Variants in FOXB1 observed in about 807,000 individuals in gnomAD.
The protein encoded by FOXB1 is forkhead box B1.
Under a neutral mutation model 18.6 loss-of-function variants are expected in FOXB1, and 6 were observed. That is an observed-to-expected ratio of 0.32 (90% confidence interval 0.18 to 0.64). The LOEUF is 0.64. FOXB1 is among the 30% of genes least tolerant of loss of function. The pLI, the probability that FOXB1 is intolerant of heterozygous loss-of-function variation, is 0.78. For synonymous variants in FOXB1, 213 were observed against 216.0 expected, an observed-to-expected ratio of 0.99 and a Z score of 0.12; for missense variants, 419 against 463.6, an observed-to-expected ratio of 0.90 and a Z score of 0.88.
Position 60,006,247 on chromosome 15 carries a change from A to C in FOXB1, c.*306A>C. 1 of 421,024 alleles carries C rather than the reference A, an allele frequency of 2.4e-6. No homozygotes were observed. Among genetic ancestry groups the C allele is most frequent in the Non-Finnish European group, 4.2e-6 (1 of 238,502 alleles). 26.1% of individuals were successfully genotyped at this position (421,024 alleles called of 1,614,324 possible). On this transcript the variant is annotated 3_prime_UTR_variant, in exon 2 of 2. Transcript: ENST00000396057. ...CCCCTCCTATTTGACCGGCGGGGGAAACCCTGTCACCCCCTCTTCGCCGAG... is the reference window on the plus strand; with the variant it reads ...CCCCTCCTATTTGACCGGCGGGGGACACCCTGTCACCCCCTCTTCGCCGAG...
At position 60,005,560 on chromosome 15, in the gene FOXB1, G is replaced by C; in HGVS notation, c.597G>C (p.Pro199=). Residue 199 remains proline (P), a synonymous_variant, in exon 2 of 2, where the codon CCG becomes CCC. Coordinates refer to ENST00000396057, the MANE Select transcript of FOXB1 (RefSeq NM_012182.3). This position sits in a 1 kb window ranked among gnomAD's most constrained non-coding sequence, Gnocchi z 9.8. ...SAMQPVPAAY[P]LPNQLTTMGS... Reference sequence around the variant, plus strand: ...TGCAGCCGGTGCCCGCTGCCTACCCGCTCCCCAACCAGTTGACTACCATGG... The same window carrying C: ...TGCAGCCGGTGCCCGCTGCCTACCCCCTCCCCAACCAGTTGACTACCATGG... 1 of 1,609,238 alleles carries C rather than the reference G, an allele frequency of 6.2e-7. No homozygotes were observed. The highest frequency in any genetic ancestry group is 8.5e-7 in the Non-Finnish European group (1 of 1,178,576).
At chr15:60,004,805 G>GCCCCCCC in intron 1 of FOXB1, 102 bp from the exon 2 acceptor site, 9 of 356,150 alleles carry the variant, frequency 2.5e-5, no homozygotes, top group South Asian at 3.4e-5. Context: ...AGCGCCGCAG[G>GCCCCCCC]CCCCACCCCC....
rs943613624 is a variant in FOXB1, at chr15:60,006,338, G to A, written c.*397G>A. The A allele has an allele frequency of 8.3e-5, 19 of 228,150 alleles. No homozygotes were observed. Among genetic ancestry groups the A allele is most frequent in the Admixed American group, 7.2e-4 (13 of 17,962 alleles). The allele number at this position is 228,150 out of a possible 1,614,324, so 14.1% of individuals were successfully genotyped here. A position where few individuals can be genotyped will look rare whatever the true frequency, so the allele number is the denominator to read the frequency against. Reference sequence around the variant, plus strand: ...AACTCTGCGCAGTTTCAAGACTAGAGAAACTGCCTCAGATGTTTCCAGGAA... The same window carrying A: ...AACTCTGCGCAGTTTCAAGACTAGAAAAACTGCCTCAGATGTTTCCAGGAA... On this transcript the variant is annotated 3_prime_UTR_variant, in exon 2 of 2. Transcript: ENST00000396057.
rs1223365800 is a variant in FOXB1 at position 60,004,618 on chromosome 15, G to C, written c.-83G>C. The C allele has an allele frequency of 9.7e-6, 2 of 205,884 alleles. No homozygotes were observed. The highest frequency in any genetic ancestry group is 4.6e-5 in the African/African-American group (2 of 43,176). The allele number at this position is 205,884 out of a possible 1,614,324, so 12.8% of individuals were successfully genotyped here. A position where few individuals can be genotyped will look rare whatever the true frequency, so the allele number is the denominator to read the frequency against. ...GCGCAGCGGCGTCCTCCCGGATGCGGACGCGCAACTTGAAGCAACTTTAAG... is the reference window on the plus strand; with the variant it reads ...GCGCAGCGGCGTCCTCCCGGATGCGCACGCGCAACTTGAAGCAACTTTAAG... On this transcript the variant is annotated 5_prime_UTR_variant, in exon 1 of 2. Coordinates refer to ENST00000396057, the MANE Select transcript of FOXB1 (RefSeq NM_012182.3).
Position 60,005,962 on chromosome 15 carries a change from C to G in FOXB1, c.*21C>G. On this transcript the variant is annotated 3_prime_UTR_variant, in exon 2 of 2. Transcript: ENST00000396057. This position sits in a 1 kb window ranked among gnomAD's most constrained non-coding sequence, Gnocchi z 9.8. ...ACTGACCCGCAGGAGCCCACGCCCC[C>G]TCTCGTTCTCCTCCCCACCACCTCA... 6.4e-7 allele frequency: 1 copy of G among 1,557,004 alleles called. No homozygotes were observed. Among genetic ancestry groups the G allele is most frequent in the Non-Finnish European group, 8.6e-7 (1 of 1,156,728 alleles).
rs1892078096 is a variant in FOXB1, at chr15:60,005,245, G to A, written c.282G>A (p.Gly94=). Residue 94 remains glycine (G), a synonymous_variant, in exon 2 of 2, where the codon GGG becomes GGA. Transcript: ENST00000396057. The surrounding 1 kb of genome is among the most constrained non-coding windows in gnomAD (Gnocchi z 9.8). ...TCTGGGCGCTGCACCCAAGCTGCGG[G>A]GACATGTTCGAGAACGGCAGCTTCC... The part of the protein sequence containing the change: ...GSFWALHPSC[G]DMFENGSFLR... The A allele has an allele frequency of 1.2e-6, 2 of 1,613,980 alleles. No homozygotes were observed. Among genetic ancestry groups the A allele is most frequent in the Non-Finnish European group, 1.7e-6 (2 of 1,180,032 alleles).
At position 60,005,144 on chromosome 15, in the gene FOXB1, C is replaced by T. The variant is rs762545318; in HGVS notation, c.181C>T (p.Leu61=). 18 of 1,614,120 alleles carry T rather than the reference C, an allele frequency of 1.1e-5. No individual in the cohort carries two copies. Among genetic ancestry groups the T allele is most frequent in the African/African-American group, 2.7e-5 (2 of 74,944 alleles). ...GAACACGCAGCGCTGGCAGAACAGTCTGCGCCACAACCTCTCCTTCAACGA... is the reference window on the plus strand; with the variant it reads ...GAACACGCAGCGCTGGCAGAACAGTTTGCGCCACAACCTCTCCTTCAACGA... ...RENTQRWQNS[L]RHNLSFNDCF... is the part of the protein sequence containing the mutation. Residue 61 remains leucine (L), a synonymous_variant, in exon 2 of 2, where the codon CTG becomes TTG. Coordinates refer to ENST00000396057, the MANE Select transcript of FOXB1 (RefSeq NM_012182.3). This position sits in a 1 kb window ranked among gnomAD's most constrained non-coding sequence, Gnocchi z 9.8.
At position 60,005,771 on chromosome 15, in the gene FOXB1, G is replaced by A. The variant is rs1378653359; in HGVS notation, c.808G>A (p.Val270Met). 6.2e-7 allele frequency: 1 copy of A among 1,602,088 alleles called. No individual in the cohort carries two copies. ...PVPIKPTPAA[V>M]PALPALPAPI... is the part of the protein sequence containing the mutation. The stretch of plus-strand genomic sequence containing the variant: ...GCCCATTAAGCCCACGCCGGCCGCC[G>A]TGCCCGCGCTGCCTGCGCTGCCAGC... The change falls in exon 2 of 2, where the codon GTG (valine) becomes ATG (methionine). Residue 270 changes from valine to methionine, a missense_variant. Coordinates refer to ENST00000396057, the MANE Select transcript of FOXB1 (RefSeq NM_012182.3). This position sits in a 1 kb window ranked among gnomAD's most constrained non-coding sequence, Gnocchi z 9.8.
At position 60,005,519 on chromosome 15, in the gene FOXB1, C is replaced by T. The variant is rs752548276; in HGVS notation, c.556C>T (p.Leu186=). ...IAREYKMPGG[L]AFSAMQPVPA... is the part of the protein sequence containing the mutation. ...GCGGGAATACAAGATGCCTGGGGGG[C>T]TGGCCTTCTCCGCCATGCAGCCGGT... Residue 186 remains leucine (L), a synonymous_variant, in exon 2 of 2, where the codon CTG becomes TTG. Transcript: ENST00000396057. The surrounding 1 kb of genome is among the most constrained non-coding windows in gnomAD (Gnocchi z 9.8). 4 of 1,610,656 alleles carry T rather than the reference C, an allele frequency of 2.5e-6. No homozygotes were observed. The highest frequency in any genetic ancestry group is 2.2e-5 in the South Asian group (2 of 90,750).
At chr15:60,004,802 C>CTGGGGGGGGGG in intron 1 of FOXB1, 105 bp from the exon 2 acceptor site, 1 of 337,666 alleles carries the variant, frequency 3.0e-6, no homozygotes, top group Non-Finnish European at 5.6e-6. Flanking sequence ...TCGAGCGCCG[C>CTGGGGGGGGGG]AGGCCCCACC....
Position 60,006,061 on chromosome 15 carries a change from G to A in FOXB1, c.*120G>A. ...ACCCTAACTTGTTCATTTCACCTTC[G>A]GCCAACCCGCCTTGCCCCAAGAGAA... On this transcript the variant is annotated 3_prime_UTR_variant, in exon 2 of 2. Coordinates refer to ENST00000396057, the MANE Select transcript of FOXB1 (RefSeq NM_012182.3). The A allele has an allele frequency of 7.9e-7, 1 of 1,266,766 alleles. No homozygotes were observed. The highest frequency in any genetic ancestry group is 1.5e-5 in the African/African-American group (1 of 65,404). 78.5% of individuals were successfully genotyped at this position (1,266,766 alleles called of 1,614,324 possible). A position where few individuals can be genotyped will look rare whatever the true frequency, so the allele number is the denominator to read the frequency against.
chr15:60,005,048 T>C lies in FOXB1; in HGVS notation c.85T>C (p.Ser29Pro). ...GCTGACCGCTATGGCCATCCAGAGC[T>C]CTCCCGAGAAGATGCTGCCGCTGAG... ...ISLTAMAIQSSPEKMLPLSEI... is the reference protein window; with the variant it reads ...ISLTAMAIQSPPEKMLPLSEI... The change falls in exon 2 of 2, where the codon TCT (serine) becomes CCT (proline). Residue 29 changes from serine (S) to proline (P), a missense_variant. Ser to Pro is a moderately conservative substitution (Grantham distance 74). Transcript: ENST00000396057. The surrounding 1 kb of genome is among the most constrained non-coding windows in gnomAD (Gnocchi z 9.8). The C allele has an allele frequency of 6.2e-7, 1 of 1,613,608 alleles. No homozygotes were observed. The highest frequency in any genetic ancestry group is 1.3e-5 in the African/African-American group (1 of 74,834).
At position 60,005,794 on chromosome 15, in the gene FOXB1, A is replaced by T; in HGVS notation, c.831A>T (p.Pro277=). The change falls in exon 2 of 2, where the codon CCA becomes CCT. Residue 277 remains proline (P), a synonymous_variant. Coordinates refer to ENST00000396057, the MANE Select transcript of FOXB1 (RefSeq NM_012182.3). The surrounding 1 kb of genome is among the most constrained non-coding windows in gnomAD (Gnocchi z 9.8). ...CCGTGCCCGCGCTGCCTGCGCTGCC[A>T]GCGCCCATCCCCACCTTGCTCTCGA... ...PAAVPALPAL[P]APIPTLLSNS... is the part of the protein sequence containing the mutation. The T allele has an allele frequency of 6.2e-7, 1 of 1,604,926 alleles. No homozygotes were observed. The highest frequency in any genetic ancestry group is 8.5e-7 in the Non-Finnish European group (1 of 1,177,474).
rs1314584917 is a variant in FOXB1 at position 60,006,249 on chromosome 15, C to A, written c.*308C>A. 1.4e-5 allele frequency: 6 copies of A among 422,180 alleles called. No individual in the cohort carries two copies. The allele number at this position is 422,180 out of a possible 1,614,324, so 26.2% of individuals were successfully genotyped here. A position where few individuals can be genotyped will look rare whatever the true frequency, so the allele number is the denominator to read the frequency against. On this transcript the variant is annotated 3_prime_UTR_variant, in exon 2 of 2. Transcript: ENST00000396057. Reference sequence around the variant, plus strand: ...CCTCCTATTTGACCGGCGGGGGAAACCCTGTCACCCCCTCTTCGCCGAGAA... The same window carrying A: ...CCTCCTATTTGACCGGCGGGGGAAAACCTGTCACCCCCTCTTCGCCGAGAA...
Position 60,005,809 on chromosome 15 carries a change from C to A in FOXB1, c.846C>A (p.Thr282=), listed in dbSNP as rs765818875. ...CTGCGCTGCCAGCGCCCATCCCCAC[C>A]TTGCTCTCGAACTCGCCGCCCTCGC... The part of the protein sequence containing the change: ...ALPALPAPIP[T]LLSNSPPSLS... The change falls in exon 2 of 2, where the codon ACC becomes ACA. Residue 282 remains threonine (T), a synonymous_variant. Transcript: ENST00000396057. The surrounding 1 kb of genome is among the most constrained non-coding windows in gnomAD (Gnocchi z 9.8). 16 of 1,606,600 alleles carry A rather than the reference C, an allele frequency of 1.0e-5. No individual in the cohort carries two copies. Among genetic ancestry groups the A allele is most frequent in the Middle Eastern group, 3.3e-4 (2 of 6,048 alleles).
In FOXB1 at chr15:60,006,116, A is replaced by C; in HGVS notation, c.*175A>C. 1.2e-6 allele frequency: 1 copy of C among 811,104 alleles called. No homozygotes were observed. Among genetic ancestry groups the C allele is most frequent in the Non-Finnish European group, 1.8e-6 (1 of 541,878 alleles). The allele number at this position is 811,104 out of a possible 1,614,324, so 50.2% of individuals were successfully genotyped here. A position where few individuals can be genotyped will look rare whatever the true frequency, so the allele number is the denominator to read the frequency against. The stretch of plus-strand genomic sequence containing the variant: ...GTTTTGGACCCAGGAGACCAAACAC[A>C]AACTTGCAGATGGGCCGAGAGGCGC... On this transcript the variant is annotated 3_prime_UTR_variant, in exon 2 of 2. Transcript: ENST00000396057.
rs1892066146 is a variant in FOXB1, at chr15:60,004,559, G to C, written c.-142G>C. 6.0e-6 allele frequency: 1 copy of C among 165,902 alleles called. No individual in the cohort carries two copies. Among genetic ancestry groups the C allele is most frequent in the Non-Finnish European group, 1.3e-5 (1 of 77,520 alleles). The allele number at this position is 165,902 out of a possible 1,614,324, so 10.3% of individuals were successfully genotyped here. ...ACCGGACCCGGACGCTGCGCGCGGA[G>C]TGCGCGTCGAGTGCGCGCCGAGAGA... is the stretch of plus-strand genomic sequence containing the variant. On this transcript the variant is annotated 5_prime_UTR_variant, in exon 1 of 2. Transcript: ENST00000396057.
In FOXB1 at chr15:60,004,982, A is replaced by C. The variant is rs755367596; in HGVS notation, c.19A>C (p.Asn7His). The C allele has an allele frequency of 3.1e-6, 5 of 1,612,306 alleles. No individual in the cohort carries two copies. In the South Asian group the frequency reaches 3.3e-5, roughly 11 times the overall value. Residue 7 changes from asparagine (N) to histidine (H), a missense_variant, in exon 2 of 2, where the codon AAC becomes CAC. By Grantham distance (68) the Asn-to-His change is moderately conservative. This residue lies in a region of FOXB1 where 153 missense variants were observed against 173.8 expected (regional missense o/e 0.88). Transcript: ENST00000396057. ...GAAGAAGATGCCTCGGCCCGGCCGC[A>C]ACACGTACAGCGACCAGAAGCCGCC... MPRPGRNTYSDQKPPYS... is the reference protein window; with the variant it reads MPRPGRHTYSDQKPPYS...
chr15:60,004,820 C>T (rs1892070979), intron 1 of FOXB1, 87 bp from the exon 2 acceptor site: 2 of 242,160 alleles, frequency 8.3e-6, no homozygotes, highest in Non-Finnish European at 1.6e-5. Context: ...ACCCCCGACC[C>T]CCGAAGTCTG....
Sources: gnomAD v4.1 joint callset for allele counts on GRCh38, gnomAD v4.1.1 for gene constraint, gnomAD v4.1.1 regional missense constraint, Gnocchi (gnomAD v3.1) non-coding constraint, MANE v1.5 for transcripts, NCBI Gene and HGNC (gene_info 2026-07-23, HGNC 2026-07-21) for gene names.